Variants in LPP observed in about 807,000 individuals in gnomAD.
LPP encodes the protein LIM domain containing preferred translocation partner in lipoma.
A neutral mutation model predicts 60.4 loss-of-function variants in LPP; 38 were observed. The ratio of observed to expected loss-of-function variants is 0.63; its 90% CI spans 0.49 to 0.83. The LOEUF (loss-of-function observed/expected upper bound fraction) is 0.83, where lower values mean the gene tolerates loss of function less well. LPP is among the 40% of genes least tolerant of loss of function. LPP has a pLI of 0.00. For synonymous variants in LPP, 328 were observed against 290.8 expected (o/e 1.13, Z -1.30); for missense variants, 902 against 783.6 (o/e 1.15, Z -1.80).
intron 4 of LPP, among the ~76,000 whole-genome samples, chr3:188,435,307 A>G (rs989365338): frequency 6.6e-6 from 1 of 152,154 alleles, no homozygotes; most frequent in Non-Finnish European, 1.5e-5. Flanking sequence ...TTGAACTCAC[A>G]AGGGTTTACT....
chr3:188,824,325 A>C (rs1434027874), intron 9 of LPP, among the ~76,000 whole-genome samples: 1 of 152,240 alleles, frequency 6.6e-6, no homozygotes, highest in Admixed American at 6.5e-5. Flanking sequence ...GCTATATGAT[A>C]GTTACCAGCC....
chr3:188,786,398 AAAAAAAAAAAAAAC>A (rs1741917146), intron 9 of LPP, among the ~76,000 whole-genome samples: 2 of 150,134 alleles, frequency 1.3e-5, no homozygotes, highest in African/African-American at 4.9e-5. Context: ...AAAAAAAAAA[AAAAAAAAAAAAAAC>A]CAACCATCAG....
Position 188,495,064 on chromosome 3 carries a change from T to TTATATATATATATA in LPP, c.306+10366_306+10379dup, listed in dbSNP as rs1192152538. On this transcript the variant is annotated intron_variant, in intron 5 of 11. Coordinates refer to ENST00000617246, the MANE Select transcript of LPP (RefSeq NM_001375462.1). ...CCTTGCTATTATAAGGTTCAGGATT[T>TTATATATATATATA]TATATATATATATATATATTTTATT... Among the ~76,000 whole-genome samples, 449 of 53,796 alleles carry TTATATATATATATA rather than the reference T, an allele frequency of 8.3e-3. 33 individuals carry two copies. The highest frequency in any genetic ancestry group is 0.042 in the East Asian group (24 of 568). The allele number at this position is 53,796 out of a possible 152,430, so 35.3% of individuals were successfully genotyped here.
intron 5 of LPP, among the ~76,000 whole-genome samples, chr3:188,491,963 A>G (rs1428739409): frequency 6.6e-5 from 10 of 152,296 alleles, no homozygotes; most frequent in Non-Finnish European, 1.5e-4. Flanking sequence ...TTGATAGTGG[A>G]GTATGTGTAC....
intron 7 of LPP, among the ~76,000 whole-genome samples, chr3:188,669,630 G>C (rs7648063): frequency 0.032 from 4,908 of 152,202 alleles, 263 homozygotes; most frequent in African/African-American, 0.11. Flanking sequence ...TGATGGAGAT[G>C]ATGTGGAGAA....
At chr3:188,524,529 T>A in intron 5 of LPP, 136 bp from the exon 6 acceptor site, 1 of 854,438 alleles carries the variant, frequency 1.2e-6, no homozygotes, top group East Asian at 2.6e-5. Flanking sequence ...TCACTGAGAT[T>A]TTATGAAAGC....
At chr3:188,871,734 C>T (rs1189203730) in intron 10 of LPP, among the ~76,000 whole-genome samples, 5 of 152,054 alleles carry the variant, frequency 3.3e-5, no homozygotes, top group Non-Finnish European at 7.4e-5. Context: ...TTCATACCTT[C>T]ACAAATACCA....
At chr3:188,384,330 A>ATGTGTG (rs61561622) in intron 3 of LPP, among the ~76,000 whole-genome samples, 67,293 of 148,378 alleles carry the variant, frequency 0.45, 15,332 homozygotes, top group Middle Eastern at 0.62. Context: ...ATGTATGTGC[A>ATGTGTG]TGTGTGTGTG....
chr3:188,778,748 A>G (rs775381778), intron 9 of LPP, among the ~76,000 whole-genome samples: 2 of 152,200 alleles, frequency 1.3e-5, no homozygotes, highest in African/African-American at 2.4e-5. Flanking sequence ...CACTCACACC[A>G]AAGCCAGGAA....
At chr3:188,668,395 A>C (rs1487333907) in intron 7 of LPP, among the ~76,000 whole-genome samples, 1 of 152,214 alleles carries the variant, frequency 6.6e-6, no homozygotes, top group Non-Finnish European at 1.5e-5. Context: ...ATCAAACACC[A>C]TAACTAAGTT....
intron 9 of LPP, among the ~76,000 whole-genome samples, chr3:188,835,580 T>C (rs910688769): frequency 1.3e-5 from 2 of 151,830 alleles, no homozygotes; most frequent in Non-Finnish European, 2.9e-5. Context: ...AATTGCACCA[T>C]TGCACTCCAG....
chr3:188,654,524 T>G (rs1852742832), intron 7 of LPP, among the ~76,000 whole-genome samples: 1 of 152,174 alleles, frequency 6.6e-6, no homozygotes, highest in African/African-American at 2.4e-5. Context: ...TAACTCTTTT[T>G]CTCTGTGTTG....
intron 9 of LPP, among the ~76,000 whole-genome samples, chr3:188,820,052 C>A (rs1316040449): frequency 6.6e-6 from 1 of 152,172 alleles, no homozygotes; most frequent in Admixed American, 6.6e-5. Context: ...GGATAATCCA[C>A]AAGACTCTGG....
chr3:188,753,460 C>T (rs1198145149), intron 8 of LPP, among the ~76,000 whole-genome samples: 1 of 152,048 alleles, frequency 6.6e-6, no homozygotes, highest in African/African-American at 2.4e-5. Flanking sequence ...ATAACAACTT[C>T]CCCTTGCCAG....
At chr3:188,641,382 G>A (rs949148852) in intron 7 of LPP, among the ~76,000 whole-genome samples, 1 of 152,186 alleles carries the variant, frequency 6.6e-6, no homozygotes, top group African/African-American at 2.4e-5. Context: ...ATTTTTATAC[G>A]ATTTGGGAGG....
intron 7 of LPP, among the ~76,000 whole-genome samples, chr3:188,692,949 G>A (rs185621988): frequency 4.6e-5 from 7 of 152,300 alleles, no homozygotes; most frequent in Admixed American, 3.9e-4. Context: ...TACATTAGAT[G>A]ATTTGATTAG....
chr3:188,193,442 G>A (rs1728719130), intron 1 of LPP, among the ~76,000 whole-genome samples: 1 of 152,216 alleles, frequency 6.6e-6, no homozygotes, highest in Non-Finnish European at 1.5e-5. Context: ...AAGGTTATTG[G>A]AAAGGTTAAA....
intron 5 of LPP, among the ~76,000 whole-genome samples, chr3:188,519,725 T>C (rs149914577): frequency 1.3e-5 from 2 of 152,312 alleles, no homozygotes; most frequent in East Asian, 1.9e-4. Flanking sequence ...ATCTAATTTA[T>C]GTAGACAGAA....
At chr3:188,678,617 A>G (rs2149338280) in intron 7 of LPP, among the ~76,000 whole-genome samples, 1 of 152,348 alleles carries the variant, frequency 6.6e-6, no homozygotes, top group East Asian at 1.9e-4. Context: ...CATTAAATGA[A>G]TACAGCATAC....
Sources: allele counts gnomAD v4.1 joint callset (sites outside exome capture counted in the v4.1 genomes callset), GRCh38; gene constraint gnomAD v4.1.1; transcripts MANE v1.5; gene names NCBI Gene and HGNC (gene_info 2026-07-23, HGNC 2026-07-21).